CCDC127: variants seen among roughly 807,000 people sequenced by gnomAD.
CCDC127 encodes the protein coiled-coil domain-containing protein 127.
CCDC127 carries 2 observed loss-of-function variants against 4.1 expected under a neutral mutation model. That is an observed-to-expected ratio of 0.49 (90% CI 0.20 to 1.53). The LOEUF is 1.53. Among genes scored for constraint, CCDC127 ranks in the 40% most tolerant of loss-of-function variants. The pLI is 0.23. For synonymous variants in CCDC127, 98 were observed against 120.4 expected (o/e 0.81, Z 1.22); for missense variants, 271 against 322.9 (o/e 0.84, Z 1.23).
Position 203,120 on chromosome 5 carries a change from C to G in CCDC127, c.*2177G>C, listed in dbSNP as rs1734104264. ...GGGTGTGGTAGCGCACGCCTGTAAT[C>G]CCAGCTACCCAGGAGGCTGAGGCAG... On this transcript the variant is annotated 3_prime_UTR_variant, in exon 3 of 3. Transcript: ENST00000296824. 6.6e-6 allele frequency: 1 copy of G among 152,302 alleles called. No individual in the cohort carries two copies. The highest frequency in any genetic ancestry group is 2.4e-5 in the African/African-American group (1 of 41,426). 9.4% of individuals were successfully genotyped at this position (152,302 alleles called of 1,614,324 possible).
intron 2 of CCDC127, among the ~76,000 whole-genome samples, chr5:212,537 C>T (rs1306785741): frequency 1.0e-3 from 6 of 5,724 alleles, no homozygotes; most frequent in Non-Finnish European, 1.5e-3. Flanking sequence ...AATGTGAGCA[C>T]GCTGAGATGC....
At chr5:213,785 G>A (rs1459407510) in intron 2 of CCDC127, 1 of 130,816 alleles carries the variant, frequency 7.6e-6, no homozygotes, top group Non-Finnish European at 1.6e-5. Flanking sequence ...AAACATTTCA[G>A]CCCTTCTTAA....
At chr5:209,940 A>C (rs1205551815) in intron 2 of CCDC127, among the ~76,000 whole-genome samples, 1 of 152,174 alleles carries the variant, frequency 6.6e-6, no homozygotes, top group Non-Finnish European at 1.5e-5. Context: ...AATACAGGGG[A>C]GCTTCCTTGA....
At chr5:211,338 C>T (rs1734283129) in intron 2 of CCDC127, among the ~76,000 whole-genome samples, 1 of 45,480 alleles carries the variant, frequency 2.2e-5, no homozygotes, top group Non-Finnish European at 4.6e-5. Context: ...ACCACACACC[C>T]ATCAGGATGG....
At chr5:210,042 C>T (rs1734248628) in intron 2 of CCDC127, among the ~76,000 whole-genome samples, 1 of 152,206 alleles carries the variant, frequency 6.6e-6, no homozygotes, top group Non-Finnish European at 1.5e-5. Flanking sequence ...AGGGACCGTC[C>T]AACAGAGTCC....
At chr5:206,465 C>A (rs996730936) in intron 2 of CCDC127, among the ~76,000 whole-genome samples, 1 of 152,236 alleles carries the variant, frequency 6.6e-6, no homozygotes, top group East Asian at 1.9e-4. Flanking sequence ...TGGAATCTCA[C>A]GAAAACGGGA....
In CCDC127 at chr5:199,952, T is replaced by C. The variant is rs1734040010; in HGVS notation, c.*5345A>G. On this transcript the variant is annotated 3_prime_UTR_variant, in exon 3 of 3. Coordinates refer to ENST00000296824, the MANE Select transcript of CCDC127 (RefSeq NM_145265.3). ...TCCTCTACCTGGACCAGGCAGGTCA[T>C]GAAAGATGGGGCACTGCCTGAGGTC... 1 of 152,202 alleles carries C rather than the reference T, an allele frequency of 6.6e-6. No individual in the cohort carries two copies. The highest frequency in any genetic ancestry group is 2.4e-5 in the African/African-American group (1 of 41,422). 9.4% of individuals were successfully genotyped at this position (152,202 alleles called of 1,614,324 possible). A position where few individuals can be genotyped will look rare whatever the true frequency, so the allele number is the denominator to read the frequency against.
At chr5:215,125 G>A (rs1734354847) in intron 2 of CCDC127, 1 of 152,102 alleles carries the variant, frequency 6.6e-6, no homozygotes, top group African/African-American at 2.4e-5. Flanking sequence ...GTATTCATAT[G>A]TCTGCCTCTT....
chr5:203,113 C>T lies in CCDC127; in HGVS notation c.*2184G>A, dbSNP rs1734104177. On this transcript the variant is annotated 3_prime_UTR_variant, in exon 3 of 3. Transcript: ENST00000296824. Reference sequence around the variant, plus strand: ...ATTAGCTGGGTGTGGTAGCGCACGCCTGTAATCCCAGCTACCCAGGAGGCT... The same window carrying T: ...ATTAGCTGGGTGTGGTAGCGCACGCTTGTAATCCCAGCTACCCAGGAGGCT... 6.6e-6 allele frequency: 1 copy of T among 152,320 alleles called. No individual in the cohort carries two copies. Among genetic ancestry groups the T allele is most frequent in the African/African-American group, 2.4e-5 (1 of 41,426 alleles). The allele number at this position is 152,320 out of a possible 1,614,324, so 9.4% of individuals were successfully genotyped here.
At chr5:208,624 G>A (rs1734222358) in intron 2 of CCDC127, among the ~76,000 whole-genome samples, 1 of 152,134 alleles carries the variant, frequency 6.6e-6, no homozygotes, top group Non-Finnish European at 1.5e-5. Flanking sequence ...TTCCCAGCCG[G>A]GGGGCACCAG....
rs983421447 is a variant in CCDC127, at chr5:208,497, C to T, written c.122-2539G>A. ...CAGCCAAATAACACAGAAAAAACTA[C>T]GGCCCCACCTCCACCCACATGGGCA... On this transcript the variant is annotated intron_variant, in intron 2 of 2. Coordinates refer to ENST00000296824, the MANE Select transcript of CCDC127 (RefSeq NM_145265.3). Among the ~76,000 whole-genome samples the T allele has an allele frequency of 2.6e-5, 4 of 152,242 alleles. No individual in the cohort carries two copies. In the South Asian group the frequency reaches 8.3e-4, roughly 31 times the overall value.
rs1427470539 is a variant in CCDC127, at chr5:196,963, A to ATTG, written c.*8333_*8334insCAA. 1 of 144,026 alleles carries ATTG rather than the reference A, an allele frequency of 6.9e-6. No homozygotes were observed. The highest frequency in any genetic ancestry group is 1.5e-5 in the Non-Finnish European group (1 of 65,136). The allele number at this position is 144,026 out of a possible 1,614,324, so 8.9% of individuals were successfully genotyped here. ...CTGAGTTCCCTCAGTTTTTATTATT[A>ATTG]TTTTCATTATTTCAGCAAAAAGGAA... On this transcript the variant is annotated 3_prime_UTR_variant, in exon 3 of 3. Coordinates refer to ENST00000296824, the MANE Select transcript of CCDC127 (RefSeq NM_145265.3).
In CCDC127 at chr5:205,614, T is replaced by C. The variant is rs769443257; in HGVS notation, c.466A>G (p.Arg156Gly). 4 of 1,614,250 alleles carry C rather than the reference T, an allele frequency of 2.5e-6. No individual in the cohort carries two copies. Among genetic ancestry groups the C allele is most frequent in the Non-Finnish European group, 3.4e-6 (4 of 1,180,048 alleles). Residue 156 changes from arginine to glycine, a missense_variant, in exon 3 of 3, where the codon AGG (arginine) becomes GGG (glycine). By Grantham distance (125) the Arg-to-Gly change is moderately radical. Coordinates refer to ENST00000296824, the MANE Select transcript of CCDC127 (RefSeq NM_145265.3). ...QREENWQRRA[R>G]LLLKEFEAVL... ...GCTTCAAATTCTTTCAGCAAAAGCC[T>C]GGCTCTCCTTTGCCAGTTTTCTTCC... is the stretch of plus-strand genomic sequence containing the variant.
intron 2 of CCDC127, among the ~76,000 whole-genome samples, chr5:213,453 C>T (rs1734314704): frequency 2.7e-5 from 3 of 110,006 alleles, no homozygotes; most frequent in African/African-American, 4.4e-5. Flanking sequence ...TGACATCGCA[C>T]ACTGCAGCCA....
chr5:204,100 A>G lies in CCDC127; in HGVS notation c.*1197T>C, dbSNP rs9312961. 0.34 allele frequency: 51,101 copies of G among 152,134 alleles called. 10,280 individuals are homozygous for G. The highest frequency in any genetic ancestry group is 0.56 in the African/African-American group (23,125 of 41,496). 9.4% of individuals were successfully genotyped at this position (152,134 alleles called of 1,614,324 possible). On this transcript the variant is annotated 3_prime_UTR_variant, in exon 3 of 3. Coordinates refer to ENST00000296824, the MANE Select transcript of CCDC127 (RefSeq NM_145265.3). ...ATGACCAGCCCTTAGCAAAAGCCCC[A>G]GGTGCTGAGTCTCCAGTGAGCTTAT...
At chr5:209,076 C>T (rs532787168) in intron 2 of CCDC127, among the ~76,000 whole-genome samples, 13 of 152,322 alleles carry the variant, frequency 8.5e-5, no homozygotes, top group African/African-American at 2.9e-4. Context: ...ACTGGAATGA[C>T]GGAATCAGGA....
chr5:208,864 T>A (rs1224354896), intron 2 of CCDC127, among the ~76,000 whole-genome samples: 1 of 152,148 alleles, frequency 6.6e-6, no homozygotes, highest in Non-Finnish European at 1.5e-5. Context: ...AAATCACTCC[T>A]AGTACCAAGG....
chr5:217,908 A>C (rs1293111422), intron 1 of CCDC127, among the ~76,000 whole-genome samples, 185 bp downstream of exon 1: 1 of 152,274 alleles, frequency 6.6e-6, no homozygotes, highest in African/African-American at 2.4e-5. Context: ...AGGGATGTAT[A>C]ATAAACAAGA....
intron 2 of CCDC127, chr5:214,279 C>G (rs1370274418): frequency 6.6e-6 from 1 of 152,130 alleles, no homozygotes; most frequent in African/African-American, 2.4e-5. Flanking sequence ...ACTGCACTAT[C>G]GTTTTGCAGA....
Sources: allele counts gnomAD v4.1 joint callset (sites outside exome capture counted in the v4.1 genomes callset), GRCh38; gene constraint gnomAD v4.1.1; transcripts MANE v1.5; gene names NCBI Gene and HGNC (gene_info 2026-07-23, HGNC 2026-07-21).